Variants in TMEM144 observed in about 807,000 individuals in gnomAD.
TMEM144 encodes transmembrane protein 144.
TMEM144 carries 39 observed loss-of-function variants against 43.6 expected under a neutral mutation model. The observed-to-expected ratio is 0.90, with a 90% CI of 0.69 to 1.17. The LOEUF (loss-of-function observed/expected upper bound fraction) is 1.17, where lower values mean the gene tolerates loss of function less well. Ranked by LOEUF, TMEM144 falls within the 50% of genes most tolerant of loss-of-function variation. TMEM144 has a pLI of 0.00. For missense variants in TMEM144, 417 were observed against 411.9 expected, an observed-to-expected ratio of 1.01 and a Z score of -0.11; for synonymous variants, 154 against 133.6, an observed-to-expected ratio of 1.15 and a Z score of -1.06.
chr4:158,237,990 G>A (rs1163576612), intron 9 of TMEM144, among the ~76,000 whole-genome samples: 1 of 152,122 alleles, frequency 6.6e-6, no homozygotes, highest in Non-Finnish European at 1.5e-5. Context: ...GTAGTACATA[G>A]TACTTTAAAA....
chr4:158,218,460 T>G (rs1734344794), intron 5 of TMEM144, among the ~76,000 whole-genome samples: 1 of 152,050 alleles, frequency 6.6e-6, no homozygotes, highest in Non-Finnish European at 1.5e-5. Context: ...TAACTTCCAA[T>G]ACATTCTCTC....
intron 9 of TMEM144, among the ~76,000 whole-genome samples, chr4:158,239,595 C>A (rs1010685227): frequency 2.4e-4 from 37 of 152,298 alleles, no homozygotes; most frequent in African/African-American, 7.9e-4. Flanking sequence ...TTAGCACCCC[C>A]AATTTTTTTC....
intron 6 of TMEM144, among the ~76,000 whole-genome samples, chr4:158,231,425 G>A (rs13149069): frequency 4.6e-5 from 7 of 152,150 alleles, no homozygotes; most frequent in Admixed American, 1.3e-4. Context: ...CCGAAGTGCC[G>A]TAATTTGGGG....
chr4:158,239,921 T>C, intron 9 of TMEM144, among the ~76,000 whole-genome samples: 1 of 151,352 alleles, frequency 6.6e-6, no homozygotes, highest in Non-Finnish European at 1.5e-5. Context: ...AGTCTCACTC[T>C]GTTGCCCAGG....
intron 6 of TMEM144, among the ~76,000 whole-genome samples, chr4:158,231,329 A>T (rs1735068080): frequency 6.6e-6 from 1 of 152,172 alleles, no homozygotes; most frequent in East Asian, 1.9e-4. Flanking sequence ...GAAGCCATCA[A>T]GGCATGAGGA....
Position 158,229,158 on chromosome 4 carries a change from C to T in TMEM144, c.414-3743C>T, listed in dbSNP as rs377381553. On this transcript the variant is annotated intron_variant, in intron 6 of 12. Coordinates refer to ENST00000296529, the MANE Select transcript of TMEM144 (RefSeq NM_018342.5). ...CTTGGTTTTGGGTCTGGTTCCTAGG[C>T]GCCGGGCTACCTGCCTTTAGTTTCG... 2.6e-4 allele frequency among the ~76,000 whole-genome samples: 40 copies of T among 152,230 alleles called. 1 individual carries two copies. In the East Asian group the frequency reaches 7.4e-3, roughly 28 times the overall value.
intron 11 of TMEM144, among the ~76,000 whole-genome samples, chr4:158,243,820 A>C (rs1735742220): frequency 6.6e-6 from 1 of 152,236 alleles, no homozygotes; most frequent in Admixed American, 6.5e-5. Context: ...TCAGTTAAAA[A>C]AATTTTTAAA....
intron 12 of TMEM144, among the ~76,000 whole-genome samples, chr4:158,246,815 G>T (rs1483651654): frequency 1.3e-5 from 2 of 151,794 alleles, no homozygotes; most frequent in Non-Finnish European, 2.9e-5. Flanking sequence ...AGTAATTATA[G>T]GTATGAAGAA....
intron 8 of TMEM144, among the ~76,000 whole-genome samples, chr4:158,236,541 A>G (rs1366637392): frequency 6.6e-6 from 1 of 152,212 alleles, no homozygotes; most frequent in Non-Finnish European, 1.5e-5. Context: ...GGATGAGTAG[A>G]ACATGTTGCC....
intron 6 of TMEM144, among the ~76,000 whole-genome samples, chr4:158,228,821 A>C (rs1734911515): frequency 6.6e-6 from 1 of 152,202 alleles, no homozygotes. Context: ...TTATTCGGCC[A>C]GGAGCATCGG....
intron 3 of TMEM144, among the ~76,000 whole-genome samples, chr4:158,214,794 G>A (rs752293380): frequency 3.5e-4 from 53 of 152,304 alleles, no homozygotes; most frequent in Non-Finnish European, 6.2e-4. Context: ...ATTTTGGGAA[G>A]CAAGAGTACT....
At position 158,255,032 on chromosome 4, in the gene TMEM144, T is replaced by C. The variant is rs977923267; in HGVS notation, c.*1505T>C. The C allele has an allele frequency of 6.6e-6, 1 of 152,154 alleles. No individual in the cohort carries two copies. The highest frequency in any genetic ancestry group is 2.4e-5 in the African/African-American group (1 of 41,448). The allele number at this position is 152,154 out of a possible 1,614,324, so 9.4% of individuals were successfully genotyped here. The stretch of plus-strand genomic sequence containing the variant: ...TAATTGTTAGCTTTATTATTATGTG[T>C]TGTTTGAAGGGGAAAAAAGTTTTTG... On this transcript the variant is annotated 3_prime_UTR_variant, in exon 13 of 13. Coordinates refer to ENST00000296529, the MANE Select transcript of TMEM144 (RefSeq NM_018342.5).
At chr4:158,225,578 G>A (rs567682676) in intron 6 of TMEM144, among the ~76,000 whole-genome samples, 2 of 152,246 alleles carry the variant, frequency 1.3e-5, no homozygotes, top group Non-Finnish European at 2.9e-5. Flanking sequence ...CTCACTTTAC[G>A]ATGTCTTATT....
Position 158,219,317 on chromosome 4 carries a change from T to G in TMEM144, c.340T>G (p.Trp114Gly). 1 of 1,613,848 alleles carries G rather than the reference T, an allele frequency of 6.2e-7. No homozygotes were observed. The highest frequency in any genetic ancestry group is 8.5e-7 in the Non-Finnish European group (1 of 1,179,818). ...GACTTTCTGGATTTTCAGGTTTGGC[T>G]GGTTTGGATTGGATGCAGAAGAAGT... ...LTGWASSRFG[W>G]FGLDAEEVSN... Residue 114 changes from tryptophan (W) to glycine (G), a missense_variant, in exon 6 of 13, where the codon TGG becomes GGG. Trp to Gly is a radical substitution (Grantham distance 184, BLOSUM62 -2). Transcript: ENST00000296529.
At chr4:158,213,135 T>G (rs1333007939) in intron 3 of TMEM144, 2 of 296,810 alleles carry the variant, frequency 6.7e-6, no homozygotes, top group Non-Finnish European at 6.2e-6. Context: ...ATTTTTGGCT[T>G]GCTTATGTGC....
intron 3 of TMEM144, among the ~76,000 whole-genome samples, chr4:158,214,942 G>A (rs1265942400): frequency 6.6e-6 from 1 of 152,138 alleles, no homozygotes; most frequent in African/African-American, 2.4e-5. Flanking sequence ...GTCAACCTGG[G>A]TTTAAATTCC....
intron 12 of TMEM144, among the ~76,000 whole-genome samples, chr4:158,252,807 C>CAAAAAAAA (rs57460951): frequency 5.9e-5 from 4 of 67,268 alleles, no homozygotes; most frequent in East Asian, 5.2e-4. Flanking sequence ...GACTCCGTCT[C>CAAAAAAAA]AAAAAAAAAA....
chr4:158,252,689 T>C (rs1167800051), intron 12 of TMEM144, among the ~76,000 whole-genome samples: 1 of 151,190 alleles, frequency 6.6e-6, no homozygotes, highest in Non-Finnish European at 1.5e-5. Flanking sequence ...ATGCCTGTAA[T>C]CCCAGCTACT....
At chr4:158,232,752 C>A in intron 6 of TMEM144, 149 bp from the exon 7 acceptor site, 1 of 578,904 alleles carries the variant, frequency 1.7e-6, no homozygotes, top group Non-Finnish European at 3.1e-6. Flanking sequence ...TCTGGCAAAA[C>A]GGCAGGACCA....
Sources: gnomAD v4.1 joint callset for allele counts (sites outside exome capture counted in the v4.1 genomes callset) on GRCh38, gnomAD v4.1.1 for gene constraint, MANE v1.5 for transcripts, NCBI Gene and HGNC (gene_info 2026-07-23, HGNC 2026-07-21) for gene names.